Variants in ZNF285 observed in about 807,000 individuals in gnomAD.
ZNF285 encodes zinc finger protein 285A.
In ZNF285, 4 loss-of-function variants were observed where a neutral mutation model predicts 6.2. The observed-to-expected ratio is 0.65, with a 90% CI of 0.32 to 1.49. The LOEUF (loss-of-function observed/expected upper bound fraction) is 1.49, where lower values mean the gene tolerates loss of function less well. Ranked by LOEUF, ZNF285 falls within the 40% of genes most tolerant of loss-of-function variation. The pLI is 0.07. For missense variants in ZNF285, 695 were observed against 708.8 expected, an observed-to-expected ratio of 0.98 and a Z score of 0.22; for synonymous variants, 240 against 245.8, an observed-to-expected ratio of 0.98 and a Z score of 0.22.
intron 2 of ZNF285, chr19:44,394,630 T>C: frequency 1.9e-6 from 1 of 514,112 alleles, no homozygotes; most frequent in Non-Finnish European, 3.4e-6. Context: ...ACATAAAATA[T>C]TTCTATGGCT....
At chr19:44,392,709 G>A (rs2123277176) in intron 2 of ZNF285, 2 of 698,770 alleles carry the variant, frequency 2.9e-6, no homozygotes, top group South Asian at 1.5e-5. Flanking sequence ...GAGGGAGAAT[G>A]AGAGCAAGCT....
intron 3 of ZNF285, among the ~76,000 whole-genome samples, chr19:44,389,538 C>A (rs1447904330): frequency 6.6e-6 from 1 of 152,160 alleles, no homozygotes; most frequent in African/African-American, 2.4e-5. Flanking sequence ...CTCACTAAAA[C>A]AGAAGTTTTA....
At chr19:44,401,199 A>G (rs1432943270) in intron 1 of ZNF285, among the ~76,000 whole-genome samples, 1 of 152,096 alleles carries the variant, frequency 6.6e-6, no homozygotes, top group Non-Finnish European at 1.5e-5. Flanking sequence ...CCATTACTCC[A>G]AAACCCTGAG....
At chr19:44,389,191 C>T (rs1971151267) in intron 3 of ZNF285, among the ~76,000 whole-genome samples, 1 of 151,834 alleles carries the variant, frequency 6.6e-6, no homozygotes, top group Non-Finnish European at 1.5e-5. Flanking sequence ...GTGGCACTGT[C>T]AATGGCCTGG....
At chr19:44,392,540 T>A (rs376108006) in intron 2 of ZNF285, 74 bp from the exon 3 acceptor site, 1 of 1,613,064 alleles carries the variant, frequency 6.2e-7, no homozygotes. Flanking sequence ...GCTGCCTTAA[T>A]AAAACACCAC....
chr19:44,386,244 A>T lies in ZNF285; in HGVS notation c.*228T>A. The T allele has an allele frequency of 4.2e-6, 2 of 478,806 alleles. No individual in the cohort carries two copies. The highest frequency in any genetic ancestry group is 7.1e-5 in the East Asian group (2 of 27,982). The allele number at this position is 478,806 out of a possible 1,614,324, so 29.7% of individuals were successfully genotyped here. A position where few individuals can be genotyped will look rare whatever the true frequency, so the allele number is the denominator to read the frequency against. ...CACTACCACAAACCACCCATTTGTC[A>T]AAAGTAACCTCTTTGCCATTGTAGC... is the stretch of plus-strand genomic sequence containing the variant. On this transcript the variant is annotated 3_prime_UTR_variant, in exon 4 of 4. Transcript: ENST00000614994.
chr19:44,388,405 T>C (rs1219879749), intron 3 of ZNF285, among the ~76,000 whole-genome samples: 2 of 125,302 alleles, frequency 1.6e-5, no homozygotes, highest in African/African-American at 7.6e-5. Context: ...TATAATGAGA[T>C]TCCCATCTCT....
chr19:44,384,649 T>C lies in ZNF285; in HGVS notation c.*1823A>G, dbSNP rs1024268298. 3.3e-5 allele frequency: 5 copies of C among 150,916 alleles called. No homozygotes were observed. Among genetic ancestry groups the C allele is most frequent in the African/African-American group, 1.2e-4 (5 of 40,988 alleles). 9.3% of individuals were successfully genotyped at this position (150,916 alleles called of 1,614,324 possible). On this transcript the variant is annotated 3_prime_UTR_variant, in exon 4 of 4. Transcript: ENST00000614994. ...ACCATGATCCAAATGAAGAAACCTA[T>C]AAGTCAATTAAAACAAAAAAGGACA...
At chr19:44,400,604 TG>T (rs1184631928) in intron 1 of ZNF285, among the ~76,000 whole-genome samples, 3 of 152,194 alleles carry the variant, frequency 2.0e-5, no homozygotes, top group African/African-American at 7.2e-5. Context: ...AGACAGAGTC[TG>T]GCTCTGTCGC....
intron 2 of ZNF285, among the ~76,000 whole-genome samples, chr19:44,395,401 C>A (rs1417687843): frequency 6.6e-6 from 1 of 151,968 alleles, no homozygotes; most frequent in Non-Finnish European, 1.5e-5. Context: ...AAGTCAATAG[C>A]AGGAGAGAAT....
At chr19:44,392,073 A>G (rs775235727) in intron 3 of ZNF285, 6 of 887,018 alleles carry the variant, frequency 6.8e-6, no homozygotes, top group Non-Finnish European at 9.0e-6. Flanking sequence ...TAAATGTGTG[A>G]GTAGGGGAGG....
Position 44,395,241 on chromosome 19 carries a change from A to G in ZNF285, c.15+1958T>C, listed in dbSNP as rs570369211. Among the ~76,000 whole-genome samples the G allele has an allele frequency of 3.3e-5, 5 of 152,310 alleles. No individual in the cohort carries two copies. In the East Asian group the frequency reaches 9.6e-4, roughly 29 times the overall value. ...ATGAAGTATTCTTGTATAACCATCTATGAAGTATGAATCTATTCAAGCATC... is the reference window on the plus strand; with the variant it reads ...ATGAAGTATTCTTGTATAACCATCTGTGAAGTATGAATCTATTCAAGCATC... On this transcript the variant is annotated intron_variant, in intron 2 of 3. Coordinates refer to ENST00000614994, the MANE Select transcript of ZNF285 (RefSeq NM_152354.6).
chr19:44,397,290 T>C, intron 1 of ZNF285, 34 bp from the exon 2 acceptor site: 1 of 1,611,812 alleles, frequency 6.2e-7, no homozygotes, highest in East Asian at 2.2e-5. Flanking sequence ...AGATCATGGG[T>C]TCAACAAGTT....
intron 1 of ZNF285, among the ~76,000 whole-genome samples, chr19:44,397,957 A>C (rs1971312422): frequency 6.6e-6 from 1 of 151,802 alleles, no homozygotes; most frequent in Non-Finnish European, 1.5e-5. Flanking sequence ...TGCTATTTCC[A>C]CTTTCGCATG....
At chr19:44,400,484 T>C (rs987494016) in intron 1 of ZNF285, among the ~76,000 whole-genome samples, 8 of 152,180 alleles carry the variant, frequency 5.3e-5, no homozygotes, top group African/African-American at 1.9e-4. Flanking sequence ...CAACTTATAT[T>C]TGCTAATGTG....
chr19:44,392,823 A>G (rs1971220179), intron 2 of ZNF285, among the ~76,000 whole-genome samples: 1 of 152,178 alleles, frequency 6.6e-6, no homozygotes, highest in Non-Finnish European at 1.5e-5. Flanking sequence ...GGCACAGATA[A>G]ATCTATACTA....
In ZNF285 at chr19:44,386,726, T is replaced by C. The variant is rs1971081596; in HGVS notation, c.1519A>G (p.Ile507Val). The C allele has an allele frequency of 6.2e-7, 1 of 1,614,234 alleles. No homozygotes were observed. The highest frequency in any genetic ancestry group is 1.1e-5 in the South Asian group (1 of 91,090). The change falls in exon 4 of 4, where the codon ATC (isoleucine) becomes GTC (valine). Residue 507 changes from isoleucine to valine, a missense_variant. Coordinates refer to ENST00000614994, the MANE Select transcript of ZNF285 (RefSeq NM_152354.6). ...SYFHLHQRDHIREKPYKCDEC... is the reference protein window; with the variant it reads ...SYFHLHQRDHVREKPYKCDEC... ...TCACATTTATATGGTTTCTCTCTGATGTGATCTCTTTGATGTAAGTGAAAA... is the reference window on the plus strand; with the variant it reads ...TCACATTTATATGGTTTCTCTCTGACGTGATCTCTTTGATGTAAGTGAAAA...
At chr19:44,396,728 T>C (rs1174359199) in intron 2 of ZNF285, 1 of 154,942 alleles carries the variant, frequency 6.5e-6, no homozygotes, top group Non-Finnish European at 1.4e-5. Context: ...TTATGATAAA[T>C]CTCTTAATAT....
chr19:44,392,270 G>T, intron 3 of ZNF285, 70 bp downstream of exon 3: 9 of 1,601,110 alleles, frequency 5.6e-6, no homozygotes, highest in South Asian at 5.6e-5. Context: ...GGTCTAACTG[G>T]AATATTCTAT....
Sources: gnomAD v4.1 joint callset for allele counts (sites outside exome capture counted in the v4.1 genomes callset) on GRCh38, gnomAD v4.1.1 for gene constraint, MANE v1.5 for transcripts, NCBI Gene and HGNC (gene_info 2026-07-23, HGNC 2026-07-21) for gene names.